Variants in PIKFYVE observed in about 807,000 individuals in gnomAD.
PIKFYVE encodes the protein phosphoinositide kinase, FYVE-type zinc finger containing, also known as 1-phosphatidylinositol 3-phosphate 5-kinase.
Under a neutral mutation model 257.9 loss-of-function variants are expected in PIKFYVE, and 122 were observed. The ratio of observed to expected loss-of-function variants is 0.47; its 90% CI spans 0.41 to 0.55. PIKFYVE has a LOEUF of 0.55. Among genes scored for constraint, PIKFYVE ranks in the 20% least tolerant of loss-of-function variants. The probability of loss-of-function intolerance (pLI) is 0.00; values close to 1 mark genes in which losing one functional copy is unlikely to be tolerated. For missense variants in PIKFYVE, 2,160 were observed against 2,536.6 expected (o/e 0.85, Z 3.19); for synonymous variants, 892 against 868.9 (o/e 1.03, Z -0.47).
At chr2:208,305,067 A>C (rs1488559523) in intron 12 of PIKFYVE, 54 bp downstream of exon 12, 1 of 1,610,224 alleles carries the variant, frequency 6.2e-7, no homozygotes, top group East Asian at 2.2e-5. Flanking sequence ...GCTGGGCCAT[A>C]GGATCTCATG....
At chr2:208,293,735 C>T (rs913829638) in intron 7 of PIKFYVE, among the ~76,000 whole-genome samples, 11 of 150,770 alleles carry the variant, frequency 7.3e-5, no homozygotes, top group Non-Finnish European at 1.6e-4. Context: ...AGGCTGGTCT[C>T]AAACTCCTGG....
At chr2:208,285,424 A>G (rs570868638) in intron 5 of PIKFYVE, among the ~76,000 whole-genome samples, 4 of 152,310 alleles carry the variant, frequency 2.6e-5, no homozygotes, top group Non-Finnish European at 5.9e-5. Flanking sequence ...CTCATTATAA[A>G]TGTTTATGGT....
intron 7 of PIKFYVE, among the ~76,000 whole-genome samples, chr2:208,293,994 G>A (rs1692645449): frequency 6.6e-6 from 1 of 152,050 alleles, no homozygotes; most frequent in Non-Finnish European, 1.5e-5. Flanking sequence ...AGTGATTATG[G>A]CTTCAAATAT....
chr2:208,340,018 T>A lies in PIKFYVE; in HGVS notation c.4818T>A (p.Phe1606Leu). The change falls in exon 31 of 42, where the codon TTT (phenylalanine) becomes TTA (leucine). Residue 1606 changes from phenylalanine to leucine, a missense_variant. Coordinates refer to ENST00000264380, the MANE Select transcript of PIKFYVE (RefSeq NM_015040.4). ...GACTATTTTTCATTTTAGATGTGTTTGATGGGCATTTGCTGGGATCCACAG... is the reference window on the plus strand; with the variant it reads ...GACTATTTTTCATTTTAGATGTGTTAGATGGGCATTTGCTGGGATCCACAG... ...LDTASSSEDV[F>L]DGHLLGSTDS... 1.2e-6 allele frequency: 2 copies of A among 1,613,462 alleles called. No individual in the cohort carries two copies. The highest frequency in any genetic ancestry group is 1.7e-6 in the Non-Finnish European group (2 of 1,179,368).
At chr2:208,355,081 G>C (rs767757828) in intron 41 of PIKFYVE, 109 bp from the exon 42 acceptor site, 2 of 843,020 alleles carry the variant, frequency 2.4e-6, no homozygotes, top group African/African-American at 1.7e-5. Context: ...GACTGCTTCT[G>C]CATGTGTATC....
At chr2:208,342,149 A>G (rs1698769202) in intron 31 of PIKFYVE, among the ~76,000 whole-genome samples, 1 of 152,190 alleles carries the variant, frequency 6.6e-6, no homozygotes, top group South Asian at 2.1e-4. Flanking sequence ...ATGGAGCTAC[A>G]CTGGGTTTTT....
chr2:208,272,198 G>A (rs1422970493), intron 2 of PIKFYVE, among the ~76,000 whole-genome samples: 1 of 151,322 alleles, frequency 6.6e-6, no homozygotes, highest in African/African-American at 2.4e-5. Flanking sequence ...TTGCGCGACT[G>A]TACTCCAGCC....
Position 208,354,662 on chromosome 2 carries a change from T to C in PIKFYVE, c.6181+17T>C, listed in dbSNP as rs772239842. On this transcript the variant is annotated intron_variant, in intron 41 of 41. Coordinates refer to ENST00000264380, the MANE Select transcript of PIKFYVE (RefSeq NM_015040.4). ...GTGGACAAGGTGAGAATTTTTGTTTTGTTTAAATTGTTCACATGTATTTCT... is the reference window on the plus strand; with the variant it reads ...GTGGACAAGGTGAGAATTTTTGTTTCGTTTAAATTGTTCACATGTATTTCT... The C allele has an allele frequency of 1.3e-6, 2 of 1,581,150 alleles. No homozygotes were observed. The highest frequency in any genetic ancestry group is 1.7e-6 in the Non-Finnish European group (2 of 1,150,130).
At position 208,351,405 on chromosome 2, in the gene PIKFYVE, G is replaced by A. The variant is rs1159185518; in HGVS notation, c.5665G>A (p.Asp1889Asn). 5.0e-6 allele frequency: 8 copies of A among 1,613,718 alleles called. No homozygotes were observed. Among genetic ancestry groups the A allele is most frequent in the East Asian group, 2.2e-5 (1 of 44,890 alleles). Residue 1889 changes from aspartate (D) to asparagine (N), a missense_variant, in exon 38 of 42, where the codon GAC becomes AAC. Around this residue, in one of 12 missense-constraint regions of PIKFYVE, gnomAD observed 699 missense variants for 855.8 expected, o/e 0.82. Transcript: ENST00000264380. ...MPRLEVQSFL[D>N]FAPHYFNYIT... ...TCGTCTGGAAGTCCAGTCCTTCCTCGACTTTGCACCACATTACTTCAATTA... is the reference window on the plus strand; with the variant it reads ...TCGTCTGGAAGTCCAGTCCTTCCTCAACTTTGCACCACATTACTTCAATTA...
intron 5 of PIKFYVE, among the ~76,000 whole-genome samples, chr2:208,282,635 TTTAC>T (rs1223287581): frequency 5.9e-5 from 9 of 152,240 alleles, no homozygotes; most frequent in Admixed American, 2.6e-4. Context: ...GACAATCTGC[TTTAC>T]TTAAAGTCAG....
At chr2:208,275,924 T>C (rs550017303) in intron 3 of PIKFYVE, among the ~76,000 whole-genome samples, 116 of 152,194 alleles carry the variant, frequency 7.6e-4, no homozygotes, top group Non-Finnish European at 1.5e-3. Context: ...ATTAAGGAAA[T>C]AATAAGTGAC....
intron 10 of PIKFYVE, chr2:208,302,640 T>G: frequency 2.6e-6 from 1 of 389,216 alleles, no homozygotes; most frequent in Non-Finnish European, 4.9e-6. Flanking sequence ...AAATTTGGGT[T>G]TATGGTCTTT....
intron 10 of PIKFYVE, among the ~76,000 whole-genome samples, chr2:208,302,875 A>C (rs180737772): frequency 9.2e-5 from 14 of 152,068 alleles, no homozygotes; most frequent in African/African-American, 2.7e-4. Flanking sequence ...AGGTCAGGAG[A>C]TCGAGACCAT....
chr2:208,320,493 C>G, intron 17 of PIKFYVE, 134 bp downstream of exon 17: 1 of 987,216 alleles, frequency 1.0e-6, no homozygotes, highest in South Asian at 1.5e-5. Flanking sequence ...ACCAAAACCT[C>G]TGTCACTCAT....
chr2:208,268,423 C>CT (rs35632672), intron 1 of PIKFYVE, among the ~76,000 whole-genome samples: 126 of 78,588 alleles, frequency 1.6e-3, no homozygotes, highest in South Asian at 0.012. Context: ...CTCCAGAGCT[C>CT]TTTTTTTTTT....
intron 23 of PIKFYVE, 54 bp downstream of exon 23, chr2:208,330,748 G>GA (rs71412492): frequency 1.1e-6 from 1 of 935,572 alleles, no homozygotes; most frequent in African/African-American, 2.1e-5. Flanking sequence ...TTATTTGTAT[G>GA]TTTTTTTTTT....
chr2:208,325,719 G>T lies in PIKFYVE; in HGVS notation c.2908G>T (p.Ala970Ser). Reference sequence around the variant, plus strand: ...AGCTTGCCCGGCGGGTCTCCCTTGTGCTTTCTTTGCACCTGTACCGGAATC... The same window carrying T: ...AGCTTGCCCGGCGGGTCTCCCTTGTTCTTTCTTTGCACCTGTACCGGAATC... ...TTACPAGLPCAFFAPVPESLL... is the reference protein window; with the variant it reads ...TTACPAGLPCSFFAPVPESLL... Residue 970 changes from alanine (A) to serine (S), a missense_variant, in exon 20 of 42, where the codon GCT becomes TCT. Coordinates refer to ENST00000264380, the MANE Select transcript of PIKFYVE (RefSeq NM_015040.4). 1 of 1,613,440 alleles carries T rather than the reference G, an allele frequency of 6.2e-7. No homozygotes were observed. The highest frequency in any genetic ancestry group is 1.7e-5 in the Admixed American group (1 of 59,994).
chr2:208,353,873 T>C, intron 39 of PIKFYVE, 25 bp from the exon 40 acceptor site: 1 of 1,612,902 alleles, frequency 6.2e-7, no homozygotes, highest in Non-Finnish European at 8.5e-7. Context: ...TGTACATAAA[T>C]GACAAAGCAT....
chr2:208,354,030 C>T lies in PIKFYVE; in HGVS notation c.5977C>T (p.His1993Tyr). ...VRDNPLYIRS[H>Y]SKAVLRTSIH... The stretch of plus-strand genomic sequence containing the variant: ...AGACAACCCTCTATATATTCGTTCT[C>T]ATTCCAAAGCTGTGCTGAGAACCTC... The change falls in exon 40 of 42, where the codon CAT (histidine) becomes TAT (tyrosine). Residue 1993 changes from histidine to tyrosine, a missense_variant. This residue lies in a region of PIKFYVE where 699 missense variants were observed against 855.8 expected (regional missense o/e 0.82). Coordinates refer to ENST00000264380, the MANE Select transcript of PIKFYVE (RefSeq NM_015040.4). The T allele has an allele frequency of 1.2e-6, 2 of 1,614,096 alleles. No homozygotes were observed. The highest frequency in any genetic ancestry group is 1.7e-6 in the Non-Finnish European group (2 of 1,179,980).
Sources: allele counts gnomAD v4.1 joint callset (sites outside exome capture counted in the v4.1 genomes callset), GRCh38; gene constraint gnomAD v4.1.1; regional missense constraint gnomAD v4.1.1; transcripts MANE v1.5; gene names NCBI Gene and HGNC (gene_info 2026-07-23, HGNC 2026-07-21).